Variants in RYR3 observed in about 807,000 individuals in gnomAD.
The protein encoded by RYR3 is ryanodine receptor 3.
In RYR3, 207 loss-of-function variants were observed where a neutral mutation model predicts 584.3. That is an observed-to-expected ratio of 0.35 (90% CI 0.32 to 0.40). The LOEUF (loss-of-function observed/expected upper bound fraction) is 0.40, where lower values mean the gene tolerates loss of function less well. Among genes scored for constraint, RYR3 ranks in the 10% least tolerant of loss-of-function variants. The pLI, the probability that RYR3 is intolerant of heterozygous loss-of-function variation, is 1.00. For synonymous variants in RYR3, 2,416 were observed against 2,248.5 expected, an observed-to-expected ratio of 1.07 and a Z score of -2.11; for missense variants, 5,616 against 6,089.2, an observed-to-expected ratio of 0.92 and a Z score of 2.59.
intron 65 of RYR3, among the ~76,000 whole-genome samples, chr15:33,785,086 G>C (rs1274633257): frequency 6.6e-6 from 1 of 152,194 alleles, no homozygotes; most frequent in Admixed American, 6.5e-5. Flanking sequence ...CATTTCTATT[G>C]TGAAGCCAGA....
intron 27 of RYR3, among the ~76,000 whole-genome samples, chr15:33,640,106 G>GT (rs2061714795): frequency 6.6e-6 from 1 of 152,192 alleles, no homozygotes; most frequent in African/African-American, 2.4e-5. Flanking sequence ...CTGCCAGGCT[G>GT]TTCCTGCCCA....
At chr15:33,439,953 C>T (rs529562069) in intron 1 of RYR3, among the ~76,000 whole-genome samples, 3 of 152,092 alleles carry the variant, frequency 2.0e-5, no homozygotes, top group Non-Finnish European at 2.9e-5. Flanking sequence ...TAGATAAAAA[C>T]GAATTTGTTT....
intron 4 of RYR3, among the ~76,000 whole-genome samples, chr15:33,532,410 A>T (rs60780362): frequency 0.011 from 1,738 of 152,288 alleles, 26 homozygotes; most frequent in African/African-American, 0.04. Flanking sequence ...TGGGAAGGTC[A>T]TCCATGTCCC....
chr15:33,573,693 G>T (rs569113038), intron 12 of RYR3, among the ~76,000 whole-genome samples: 1 of 152,316 alleles, frequency 6.6e-6, no homozygotes, highest in South Asian at 2.1e-4. Flanking sequence ...AAAGGCCTAA[G>T]AATATAGTGG....
At chr15:33,569,197 C>T (rs1280109991) in intron 12 of RYR3, among the ~76,000 whole-genome samples, 1 of 152,182 alleles carries the variant, frequency 6.6e-6, no homozygotes, top group Non-Finnish European at 1.5e-5. Context: ...GTTTCCATTT[C>T]TCTTGGGTAA....
chr15:33,823,427 A>G (rs12900245), intron 81 of RYR3, among the ~76,000 whole-genome samples: 3 of 152,186 alleles, frequency 2.0e-5, no homozygotes, highest in African/African-American at 7.2e-5. Flanking sequence ...ACCAGGAAAG[A>G]ATGGAAAAGG....
chr15:33,737,186 C>T (rs1297964921), intron 49 of RYR3, among the ~76,000 whole-genome samples: 1 of 152,074 alleles, frequency 6.6e-6, no homozygotes, highest in African/African-American at 2.4e-5. Flanking sequence ...CTTGAGCTCC[C>T]GAGTTCAAGC....
At chr15:33,857,381 T>C (rs2079800294) in intron 98 of RYR3, among the ~76,000 whole-genome samples, 1 of 151,388 alleles carries the variant, frequency 6.6e-6, no homozygotes, top group African/African-American at 2.5e-5. Flanking sequence ...ACTCCTTTTC[T>C]TCTAAGGATG....
chr15:33,788,593 C>T (rs1242289244), intron 67 of RYR3, 135 bp downstream of exon 67: 1 of 945,930 alleles, frequency 1.1e-6, no homozygotes, highest in Non-Finnish European at 1.6e-6. Context: ...CATTCTCCTT[C>T]CCAACACCAA....
At chr15:33,374,296 C>A (rs2040556536) in intron 1 of RYR3, among the ~76,000 whole-genome samples, 1 of 152,022 alleles carries the variant, frequency 6.6e-6, no homozygotes, top group Non-Finnish European at 1.5e-5. Context: ...TCTCATTTAG[C>A]CTGTAGCCTC....
chr15:33,321,102 C>T (rs1264398956), intron 1 of RYR3, among the ~76,000 whole-genome samples: 1 of 152,178 alleles, frequency 6.6e-6, no homozygotes, highest in Non-Finnish European at 1.5e-5. Flanking sequence ...ATTTTAAATT[C>T]CTCACGTCAA....
chr15:33,350,665 G>A (rs985168979), intron 1 of RYR3, among the ~76,000 whole-genome samples: 56 of 151,962 alleles, frequency 3.7e-4, no homozygotes, highest in Non-Finnish European at 5.9e-4. Context: ...TGACTACTGG[G>A]TACATAACGA....
At chr15:33,397,379 G>A (rs1227907461) in intron 1 of RYR3, among the ~76,000 whole-genome samples, 1 of 152,228 alleles carries the variant, frequency 6.6e-6, no homozygotes, top group Non-Finnish European at 1.5e-5. Context: ...GTTCACTTTG[G>A]AGTGGAGCCT....
At chr15:33,659,875 C>T (rs1005693364) in intron 33 of RYR3, 69 bp downstream of exon 33, 61 of 1,095,910 alleles carry the variant, frequency 5.6e-5, no homozygotes, top group African/African-American at 1.1e-4. Flanking sequence ...GGGGGAAAAT[C>T]CCAGGCCTCA....
At chr15:33,389,912 G>T (rs1595938936) in intron 1 of RYR3, among the ~76,000 whole-genome samples, 1 of 152,150 alleles carries the variant, frequency 6.6e-6, no homozygotes, top group African/African-American at 2.4e-5. Flanking sequence ...TGAATTACAT[G>T]AGAAAATAGC....
intron 23 of RYR3, 116 bp from the exon 24 acceptor site, chr15:33,632,833 C>A (rs2061333972): frequency 1.2e-6 from 1 of 806,780 alleles, no homozygotes; most frequent in Non-Finnish European, 2.0e-6. Flanking sequence ...AAGAGTGGGA[C>A]CTGTGACTGT....
chr15:33,623,006 C>T (rs1302950869), intron 19 of RYR3, among the ~76,000 whole-genome samples: 1 of 152,202 alleles, frequency 6.6e-6, no homozygotes, highest in African/African-American at 2.4e-5. Flanking sequence ...TGGTGGTAAT[C>T]AGAGCCTGCC....
intron 92 of RYR3, among the ~76,000 whole-genome samples, chr15:33,843,896 A>C (rs2078542797): frequency 1.3e-5 from 2 of 152,222 alleles, no homozygotes; most frequent in African/African-American, 2.4e-5. Context: ...GTAATAAATA[A>C]AATTCTTTCT....
chr15:33,396,655 G>A (rs1295787773), intron 1 of RYR3, among the ~76,000 whole-genome samples: 1 of 152,166 alleles, frequency 6.6e-6, no homozygotes. Context: ...AGTGAAACAG[G>A]CTGGCCTCAG....
Sources: gnomAD v4.1 joint callset for allele counts (sites outside exome capture counted in the v4.1 genomes callset) on GRCh38, gnomAD v4.1.1 for gene constraint, MANE v1.5 for transcripts, NCBI Gene and HGNC (gene_info 2026-07-23, HGNC 2026-07-21) for gene names.